The following TPTE2 variants were observed in gnomAD, a reference collection of about 807,000 sequenced individuals.
TPTE2 encodes phosphatidylinositol 3,4,5-trisphosphate 3-phosphatase TPTE2.
TPTE2 carries 53 observed loss-of-function variants against 78.6 expected under a neutral mutation model. That is an observed-to-expected ratio of 0.67 (90% CI 0.54 to 0.85). TPTE2 has a LOEUF of 0.85. Ranked by LOEUF, TPTE2 falls within the 40% of genes least tolerant of loss-of-function variation. The pLI is 0.00. For missense variants in TPTE2, 461 were observed against 623.0 expected (o/e 0.74, Z 2.77); for synonymous variants, 175 against 206.2 (o/e 0.85, Z 1.30).
At chr13:19,454,010 C>T (rs1878376569) in intron 10 of TPTE2, among the ~76,000 whole-genome samples, 1 of 152,170 alleles carries the variant, frequency 6.6e-6, no homozygotes, top group African/African-American at 2.4e-5. Context: ...TATCTTAGTA[C>T]ATTCCTTGAT....
At chr13:19,429,640 G>A (rs1452941372) in intron 17 of TPTE2, among the ~76,000 whole-genome samples, 1 of 152,102 alleles carries the variant, frequency 6.6e-6, no homozygotes, top group Non-Finnish European at 1.5e-5. Context: ...AAAGCCAAGG[G>A]TCAGGCCTGG....
intron 1 of TPTE2, among the ~76,000 whole-genome samples, chr13:19,520,636 T>G (rs957165105): frequency 3.3e-5 from 5 of 151,996 alleles, no homozygotes; most frequent in African/African-American, 1.2e-4. Flanking sequence ...CTTGCTTTAC[T>G]TGCTTTGGTT....
chr13:19,457,352 T>C (rs1878600403), intron 10 of TPTE2, among the ~76,000 whole-genome samples: 1 of 152,206 alleles, frequency 6.6e-6, no homozygotes. Flanking sequence ...CATATGTATA[T>C]ACAGATAATT....
At chr13:19,461,143 C>T (rs1299350405) in intron 10 of TPTE2, among the ~76,000 whole-genome samples, 2 of 151,916 alleles carry the variant, frequency 1.3e-5, no homozygotes, top group East Asian at 3.9e-4. Context: ...GTTTTGTTGC[C>T]GCTCCTGGGA....
intron 6 of TPTE2, 39 bp downstream of exon 9, chr13:19,473,875 C>A (rs752566924): frequency 5.9e-6 from 9 of 1,524,562 alleles, no homozygotes; most frequent in Non-Finnish European, 7.9e-6. Context: ...TATAAAAGTA[C>A]AAAATAGCTT....
chr13:19,557,021 T>G, the TPTE2 span, among the ~76,000 whole-genome samples: 8 of 152,254 alleles, frequency 5.3e-5, no homozygotes, highest in Non-Finnish European at 1.2e-4. Context: ...CCTTGAATAT[T>G]CTTCCCATCT....
At chr13:19,439,158 A>G (rs1327615153) in intron 13 of TPTE2, among the ~76,000 whole-genome samples, 3 of 152,116 alleles carry the variant, frequency 2.0e-5, no homozygotes, top group Non-Finnish European at 4.4e-5. Flanking sequence ...GGGAGCTCAG[A>G]TTAATGTGTA....
the TPTE2 span, among the ~76,000 whole-genome samples, chr13:19,546,726 G>A: frequency 6.6e-6 from 1 of 151,922 alleles, no homozygotes; most frequent in East Asian, 1.9e-4. Flanking sequence ...CTGACCTCAG[G>A]TGATCCACCC....
At chr13:19,442,051 T>C (rs1877534157) in intron 13 of TPTE2, among the ~76,000 whole-genome samples, 2 of 151,986 alleles carry the variant, frequency 1.3e-5, no homozygotes, top group African/African-American at 4.8e-5. Context: ...GAAAACAGAA[T>C]GTCAGTAGGA....
intron 1 of TPTE2, among the ~76,000 whole-genome samples, chr13:19,498,722 A>C (rs1157409106): frequency 2.6e-5 from 4 of 152,134 alleles, no homozygotes; most frequent in Non-Finnish European, 5.9e-5. Context: ...CATCGAGACT[A>C]GGAAGAAACT....
intron 1 of TPTE2, among the ~76,000 whole-genome samples, chr13:19,513,197 G>A (rs1869571039): frequency 6.6e-6 from 1 of 152,176 alleles, no homozygotes; most frequent in Non-Finnish European, 1.5e-5. Context: ...AAAGCTCTAT[G>A]TAAGGTTGCT....
chr13:19,493,317 GTGGATGGATGGATGGA>G (rs71092368), intron 2 of TPTE2, 115 bp downstream of exon 5: 25 of 657,248 alleles, frequency 3.8e-5, no homozygotes, highest in African/African-American at 2.5e-4. Flanking sequence ...GAAGAGAAGT[GTGGATGGATGGATGGA>G]TGGATGGATG....
At chr13:19,528,696 T>C (rs1870677002) in intron 1 of TPTE2, among the ~76,000 whole-genome samples, 1 of 152,196 alleles carries the variant, frequency 6.6e-6, no homozygotes, top group Admixed American at 6.5e-5. Context: ...GCTGAATCAT[T>C]GATATGACTC....
chr13:19,496,923 C>T (rs566346819), intron 1 of TPTE2, among the ~76,000 whole-genome samples: 166 of 152,218 alleles, frequency 1.1e-3, no homozygotes, highest in African/African-American at 3.9e-3. Context: ...AGACAGTGGG[C>T]GCAGGTCAGT....
chr13:19,479,458 A>C (rs1880190080), intron 4 of TPTE2, among the ~76,000 whole-genome samples: 1 of 152,192 alleles, frequency 6.6e-6, no homozygotes, highest in East Asian at 1.9e-4. Context: ...GATAAAAACA[A>C]ATCAATTAAT....
At chr13:19,440,288 T>C (rs577230030) in intron 13 of TPTE2, among the ~76,000 whole-genome samples, 8 of 152,256 alleles carry the variant, frequency 5.3e-5, no homozygotes, top group Non-Finnish European at 1.2e-4. Flanking sequence ...CAAGTAAGCT[T>C]CATTCCAAGG....
the TPTE2 span, among the ~76,000 whole-genome samples, chr13:19,552,104 T>G: frequency 1.3e-5 from 2 of 152,246 alleles, no homozygotes; most frequent in Non-Finnish European, 2.9e-5. Context: ...CAAAGCCTAC[T>G]ATGTTTTTGC....
chr13:19,521,418 G>T (rs1420954455), intron 1 of TPTE2, among the ~76,000 whole-genome samples: 5 of 150,972 alleles, frequency 3.3e-5, no homozygotes, highest in Admixed American at 2.6e-4. Flanking sequence ...TTTGGTTACT[G>T]TTTGCTTGTT....
chr13:19,469,014 T>A (rs951666176), intron 6 of TPTE2, among the ~76,000 whole-genome samples: 4 of 152,324 alleles, frequency 2.6e-5, no homozygotes, highest in Non-Finnish European at 5.9e-5. Context: ...ACGAAGCAGT[T>A]TTTTAACTTG....
Sources: gnomAD v4.1 joint callset for allele counts (sites outside exome capture counted in the v4.1 genomes callset) on GRCh38, gnomAD v4.1.1 for gene constraint, MANE v1.5 for transcripts, NCBI Gene and HGNC (gene_info 2026-07-23, HGNC 2026-07-21) for gene names.